ARHGAP28: variants seen among roughly 807,000 people sequenced by gnomAD.
The protein encoded by ARHGAP28 is rho GTPase-activating protein 28.
A neutral mutation model predicts 90.7 loss-of-function variants in ARHGAP28; 56 were observed. The ratio of observed to expected loss-of-function variants is 0.62; its 90% confidence interval spans 0.50 to 0.77. ARHGAP28 has a LOEUF of 0.77. Among genes scored for constraint, ARHGAP28 ranks in the 30% least tolerant of loss-of-function variants. The pLI, the probability that ARHGAP28 is intolerant of heterozygous loss-of-function variation, is 0.00. For missense variants in ARHGAP28, 869 were observed against 900.9 expected (o/e 0.96, Z 0.45); for synonymous variants, 308 against 323.3 (o/e 0.95, Z 0.51).
intron 1 of ARHGAP28, among the ~76,000 whole-genome samples, chr18:6,804,732 T>G (rs1355477034): frequency 1.3e-5 from 2 of 152,262 alleles, no homozygotes; most frequent in African/African-American, 4.8e-5. Context: ...CTTTCCATTA[T>G]AGATTTGTAA....
At chr18:6,770,483 A>G (rs946440430) in intron 1 of ARHGAP28, among the ~76,000 whole-genome samples, 2 of 152,180 alleles carry the variant, frequency 1.3e-5, no homozygotes, top group African/African-American at 4.8e-5. Context: ...TTAGATGAAG[A>G]AAAAAGACTT....
intron 1 of ARHGAP28, among the ~76,000 whole-genome samples, chr18:6,736,760 A>C (rs1438100785): frequency 1.1e-5 from 1 of 88,098 alleles, no homozygotes; most frequent in African/African-American, 5.3e-5. Flanking sequence ...AAAAAAAAAC[A>C]AAAAACAGAA....
chr18:6,899,269 T>G (rs1247799691), intron 16 of ARHGAP28, among the ~76,000 whole-genome samples: 1 of 152,014 alleles, frequency 6.6e-6, no homozygotes, highest in Non-Finnish European at 1.5e-5. Context: ...AAACCCTGGA[T>G]AGTAACACAA....
intron 17 of ARHGAP28, among the ~76,000 whole-genome samples, chr18:6,909,668 A>C (rs1362534086): frequency 6.6e-6 from 1 of 152,180 alleles, no homozygotes; most frequent in African/African-American, 2.4e-5. Context: ...GAATACTGTA[A>C]GAACTTTCAG....
chr18:6,874,993 A>T (rs771079271), intron 9 of ARHGAP28: 3 of 152,258 alleles, frequency 2.0e-5, no homozygotes, highest in African/African-American at 4.8e-5. Context: ...AGCAAAATCC[A>T]GAGTCCATGG....
At chr18:6,877,481 G>A (rs1000635203) in intron 10 of ARHGAP28, among the ~76,000 whole-genome samples, 1 of 152,214 alleles carries the variant, frequency 6.6e-6, no homozygotes, top group African/African-American at 2.4e-5. Context: ...ATATGGCTGA[G>A]CCACATCCAG....
At chr18:6,782,082 A>G (rs996193071) in intron 1 of ARHGAP28, among the ~76,000 whole-genome samples, 10 of 151,916 alleles carry the variant, frequency 6.6e-5, no homozygotes, top group Non-Finnish European at 1.2e-4. Flanking sequence ...GCCCAAGCCA[A>G]TTTCTCACTT....
chr18:6,738,352 C>T (rs1234025464), intron 1 of ARHGAP28, among the ~76,000 whole-genome samples: 1 of 151,846 alleles, frequency 6.6e-6, no homozygotes, highest in Non-Finnish European at 1.5e-5. Flanking sequence ...TATACATTTA[C>T]TTATACTTTA....
chr18:6,734,648 T>C (rs1051623594), intron 1 of ARHGAP28, among the ~76,000 whole-genome samples: 2 of 152,178 alleles, frequency 1.3e-5, no homozygotes, highest in African/African-American at 4.8e-5. Flanking sequence ...GATAGATTTA[T>C]TGGTACTTTC....
chr18:6,900,413 T>C (rs2057332246), intron 16 of ARHGAP28, among the ~76,000 whole-genome samples: 1 of 152,232 alleles, frequency 6.6e-6, no homozygotes, highest in Admixed American at 6.5e-5. Context: ...CAATTGTGAA[T>C]TCTCCTGAAA....
At chr18:6,874,100 G>A (rs1342196085) in intron 9 of ARHGAP28, among the ~76,000 whole-genome samples, 3 of 152,202 alleles carry the variant, frequency 2.0e-5, no homozygotes, top group African/African-American at 4.8e-5. Flanking sequence ...TTGCGCATAT[G>A]AATGTGTTTG....
chr18:6,750,781 C>G (rs191809521), intron 1 of ARHGAP28, among the ~76,000 whole-genome samples: 9 of 152,194 alleles, frequency 5.9e-5, no homozygotes, highest in African/African-American at 2.2e-4. Context: ...GGCTCTACCT[C>G]CAAATATCAC....
At chr18:6,780,916 A>G (rs2056319610) in intron 1 of ARHGAP28, among the ~76,000 whole-genome samples, 3 of 151,818 alleles carry the variant, frequency 2.0e-5, no homozygotes, top group South Asian at 2.1e-4. Context: ...AAAAAATTCA[A>G]TCAGTCTTGT....
chr18:6,787,801 A>T (rs574633128), intron 1 of ARHGAP28, among the ~76,000 whole-genome samples: 5 of 152,356 alleles, frequency 3.3e-5, no homozygotes, highest in Admixed American at 1.3e-4. Flanking sequence ...GTATTTAAAT[A>T]TACAGGCACA....
chr18:6,772,005 A>G (rs966896874), intron 1 of ARHGAP28, among the ~76,000 whole-genome samples: 1 of 152,220 alleles, frequency 6.6e-6, no homozygotes, highest in Non-Finnish European at 1.5e-5. Context: ...CCCCATAAAT[A>G]TGTAAAATAT....
At chr18:6,790,582 C>T (rs60534899) in intron 1 of ARHGAP28, 3 of 152,086 alleles carry the variant, frequency 2.0e-5, no homozygotes, top group African/African-American at 2.4e-5. Context: ...AAATCCAAGT[C>T]GAACAGAGTG....
chr18:6,750,109 G>A (rs760881426), intron 1 of ARHGAP28, among the ~76,000 whole-genome samples: 6 of 152,114 alleles, frequency 3.9e-5, no homozygotes, highest in African/African-American at 9.7e-5. Flanking sequence ...GTCTGTGTGC[G>A]TGGTATTAAT....
intron 1 of ARHGAP28, among the ~76,000 whole-genome samples, chr18:6,738,893 A>T (rs2055951355): frequency 6.6e-6 from 1 of 152,234 alleles, no homozygotes; most frequent in Admixed American, 6.5e-5. Flanking sequence ...ATCTACCACC[A>T]TAATGCTCAT....
chr18:6,753,245 T>G (rs1323492906), intron 1 of ARHGAP28, among the ~76,000 whole-genome samples: 8 of 152,238 alleles, frequency 5.3e-5, no homozygotes, highest in Admixed American at 5.2e-4. Flanking sequence ...CAGGACAATA[T>G]TGTAATTGCA....
Sources: gnomAD v4.1 joint callset for allele counts (sites outside exome capture counted in the v4.1 genomes callset) on GRCh38, gnomAD v4.1.1 for gene constraint, MANE v1.5 for transcripts, NCBI Gene and HGNC (gene_info 2026-07-23, HGNC 2026-07-21) for gene names.